Variants in RAN observed in about 807,000 individuals in gnomAD.
RAN encodes the protein RAN, member RAS oncogene family, also known as GTP-binding nuclear protein Ran.
Under a neutral mutation model 26.8 loss-of-function variants are expected in RAN, and 2 were observed. The observed-to-expected ratio is 0.07, with a 90% CI of 0.03 to 0.23. The LOEUF (loss-of-function observed/expected upper bound fraction) is 0.23, where lower values mean the gene tolerates loss of function less well. RAN is among the 10% of genes least tolerant of loss of function. RAN has a pLI of 1.00. For synonymous variants in RAN, 132 were observed against 95.9 expected, an observed-to-expected ratio of 1.38 and a Z score of -2.20; for missense variants, 56 against 264.8, an observed-to-expected ratio of 0.21 and a Z score of 5.47.
Position 130,876,682 on chromosome 12 carries a change from T to C in RAN, c.*756T>C, listed in dbSNP as rs937072058. 1 of 152,244 alleles carries C rather than the reference T, an allele frequency of 6.6e-6. No individual in the cohort carries two copies. The highest frequency in any genetic ancestry group is 1.9e-4 in the East Asian group (1 of 5,204). 9.4% of individuals were successfully genotyped at this position (152,244 alleles called of 1,614,324 possible). A position where few individuals can be genotyped will look rare whatever the true frequency, so the allele number is the denominator to read the frequency against. On this transcript the variant is annotated 3_prime_UTR_variant, in exon 7 of 7. Transcript: ENST00000543796. ...TTCTTTTATGGCAAAAGTAATCATGTTTTAATGTAGAACCTCAAACAGGAT... is the reference window on the plus strand; with the variant it reads ...TTCTTTTATGGCAAAAGTAATCATGCTTTAATGTAGAACCTCAAACAGGAT...
chr12:130,875,219 GTATT>G (rs1439007865), intron 5 of RAN, among the ~76,000 whole-genome samples: 2 of 152,156 alleles, frequency 1.3e-5, no homozygotes, highest in African/African-American at 4.8e-5. Flanking sequence ...AAATGTTTGT[GTATT>G]TATATATTTG....
chr12:130,873,152 C>A (rs539053769), intron 4 of RAN, 24 bp downstream of exon 4: 1 of 1,613,850 alleles, frequency 6.2e-7, no homozygotes, highest in Admixed American at 1.7e-5. Flanking sequence ...ACTTGCTGAA[C>A]GGTTTTTGAG....
Position 130,875,635 on chromosome 12 carries a change from T to C in RAN, c.459T>C (p.Ser153=), listed in dbSNP as rs747570087. Residue 153 remains serine (S), a synonymous_variant, in exon 6 of 7, where the codon AGT becomes AGC. Coordinates refer to ENST00000543796, the MANE Select transcript of RAN (RefSeq NM_006325.5). ...AGTACTACGACATTTCTGCCAAAAG[T>C]AACTACAACTTTGAAAAGCCCTTCC... The part of the protein sequence containing the change: ...NLQYYDISAK[S]NYNFEKPFLW... 2 of 1,606,288 alleles carry C rather than the reference T, an allele frequency of 1.2e-6. No individual in the cohort carries two copies. The highest frequency in any genetic ancestry group is 1.7e-6 in the Non-Finnish European group (2 of 1,177,828).
Position 130,875,788 on chromosome 12 carries a change from G to T in RAN, c.606+6G>T. 1 of 1,614,138 alleles carries T rather than the reference G, an allele frequency of 6.2e-7. No homozygotes were observed. Among genetic ancestry groups the T allele is most frequent in the Non-Finnish European group, 8.5e-7 (1 of 1,180,004 alleles). On this transcript the variant is annotated splice_donor_region_variant and intron_variant, in intron 6 of 6. Coordinates refer to ENST00000543796, the MANE Select transcript of RAN (RefSeq NM_006325.5). ...AGTATGAGCACGACTTAGAGGTATT[G>T]TGGCCACTTTGCTGTTCAGATTGTT...
At position 130,877,597 on chromosome 12, in the gene RAN, T is replaced by G. The variant is rs987263309; in HGVS notation, c.*1671T>G. ...TTGGAAGTGACGTCACTTACCTGTC[T>G]AACGTGGTGTGGGAGAGAATTTACA... On this transcript the variant is annotated 3_prime_UTR_variant, in exon 7 of 7. Coordinates refer to ENST00000543796, the MANE Select transcript of RAN (RefSeq NM_006325.5). 1 of 152,232 alleles carries G rather than the reference T, an allele frequency of 6.6e-6. No homozygotes were observed. Among genetic ancestry groups the G allele is most frequent in the African/African-American group, 2.4e-5 (1 of 41,452 alleles). 9.4% of individuals were successfully genotyped at this position (152,232 alleles called of 1,614,324 possible).
At position 130,876,199 on chromosome 12, in the gene RAN, T is replaced by G. The variant is rs1593221730; in HGVS notation, c.*273T>G. The G allele has an allele frequency of 2.2e-6, 1 of 457,162 alleles. No individual in the cohort carries two copies. Among genetic ancestry groups the G allele is most frequent in the South Asian group, 3.2e-5 (1 of 31,052 alleles). The allele number at this position is 457,162 out of a possible 1,614,324, so 28.3% of individuals were successfully genotyped here. A position where few individuals can be genotyped will look rare whatever the true frequency, so the allele number is the denominator to read the frequency against. On this transcript the variant is annotated 3_prime_UTR_variant, in exon 7 of 7. Coordinates refer to ENST00000543796, the MANE Select transcript of RAN (RefSeq NM_006325.5). ...GACTGCTGCAGTCACATCACAATAT[T>G]CAGTGGTGAAATCTTGTTTGTTACT... is the stretch of plus-strand genomic sequence containing the variant.
In RAN at chr12:130,875,601, C is replaced by T. The variant is rs764632220; in HGVS notation, c.436-11C>T. The T allele has an allele frequency of 1.0e-5, 16 of 1,559,214 alleles. No individual in the cohort carries two copies. Among genetic ancestry groups the T allele is most frequent in the Admixed American group, 2.1e-5 (1 of 47,794 alleles). ...AATTTTAAAAAGTAATTTTACCTTT[C>T]TTTTAAACAGTACTACGACATTTCT... On this transcript the variant is annotated splice_polypyrimidine_tract_variant and intron_variant, in intron 5 of 6. Transcript: ENST00000543796.
At chr12:130,875,214 T>C (rs1953216711) in intron 5 of RAN, among the ~76,000 whole-genome samples, 1 of 152,114 alleles carries the variant, frequency 6.6e-6, no homozygotes, top group Admixed American at 6.6e-5. Context: ...AGCTGAAATG[T>C]TTGTGTATTT....
chr12:130,873,377 C>T, intron 4 of RAN: 1 of 428,006 alleles, frequency 2.3e-6, no homozygotes, highest in East Asian at 4.8e-5. Context: ...ACTTATAAGT[C>T]ATATTTAAAA....
intron 4 of RAN, chr12:130,873,846 T>G (rs545426234): frequency 1.8e-4 from 31 of 169,258 alleles, no homozygotes; most frequent in Non-Finnish European, 2.7e-4. Context: ...TGCAGGTGAA[T>G]ATATAGGCTT....
At chr12:130,874,316 A>G in intron 4 of RAN, 2 of 465,326 alleles carry the variant, frequency 4.3e-6, no homozygotes, top group Non-Finnish European at 7.5e-6. Flanking sequence ...TGAGGGGAGT[A>G]TTAATGGTGA....
At position 130,876,604 on chromosome 12, in the gene RAN, C is replaced by T. The variant is rs1198674958; in HGVS notation, c.*678C>T. The T allele has an allele frequency of 6.6e-6, 1 of 152,172 alleles. No individual in the cohort carries two copies. The highest frequency in any genetic ancestry group is 1.5e-5 in the Non-Finnish European group (1 of 68,156). The allele number at this position is 152,172 out of a possible 1,614,324, so 9.4% of individuals were successfully genotyped here. A position where few individuals can be genotyped will look rare whatever the true frequency, so the allele number is the denominator to read the frequency against. ...CACTTGCTCAAAATCTGTGACCTGT[C>T]AGAATAAAAATGTGGTTTGTACATA... On this transcript the variant is annotated 3_prime_UTR_variant, in exon 7 of 7. Transcript: ENST00000543796.
intron 4 of RAN, 138 bp from the exon 5 acceptor site, chr12:130,874,408 C>A: frequency 1.6e-6 from 1 of 616,522 alleles, no homozygotes; most frequent in Non-Finnish European, 2.8e-6. Context: ...TTGACAGAGA[C>A]CTTGAAAGTG....
At position 130,877,403 on chromosome 12, in the gene RAN, A is replaced by G. The variant is rs943272456; in HGVS notation, c.*1477A>G. 6.6e-6 allele frequency: 1 copy of G among 152,250 alleles called. No individual in the cohort carries two copies. The highest frequency in any genetic ancestry group is 1.5e-5 in the Non-Finnish European group (1 of 68,046). 9.4% of individuals were successfully genotyped at this position (152,250 alleles called of 1,614,324 possible). A position where few individuals can be genotyped will look rare whatever the true frequency, so the allele number is the denominator to read the frequency against. ...TGAATTGCTGTGTATGTTACGCTGT[A>G]TTCAGAACCAGTTTCTAACCAGCCT... On this transcript the variant is annotated 3_prime_UTR_variant, in exon 7 of 7. Coordinates refer to ENST00000543796, the MANE Select transcript of RAN (RefSeq NM_006325.5).
At position 130,875,863 on chromosome 12, in the gene RAN, T is replaced by G; in HGVS notation, c.607-19T>G. ...AGTTTTGATCTGGAGTGTTAACGTT[T>G]TTCCATCTCTTCGTCTAGGTTGCTC... On this transcript the variant is annotated intron_variant, in intron 6 of 6. Transcript: ENST00000543796. The G allele has an allele frequency of 6.2e-7, 1 of 1,614,202 alleles. No individual in the cohort carries two copies. The highest frequency in any genetic ancestry group is 1.3e-5 in the African/African-American group (1 of 75,068).
rs1401967811 is a variant in RAN at position 130,877,650 on chromosome 12, C to G, written c.*1724C>G. 6.6e-6 allele frequency: 1 copy of G among 152,144 alleles called. No homozygotes were observed. Among genetic ancestry groups the G allele is most frequent in the African/African-American group, 2.4e-5 (1 of 41,422 alleles). 9.4% of individuals were successfully genotyped at this position (152,144 alleles called of 1,614,324 possible). On this transcript the variant is annotated 3_prime_UTR_variant, in exon 7 of 7. Transcript: ENST00000543796. The stretch of plus-strand genomic sequence containing the variant: ...TCCTTTATTGAAAGAATAATTGTTG[C>G]AAAATATATTGCTTCTACTTTGCCT...
Position 130,872,815 on chromosome 12 carries a change from C to G in RAN, c.37-21C>G, listed in dbSNP as rs375687929. The G allele has an allele frequency of 5.6e-6, 9 of 1,613,614 alleles. No homozygotes were observed. In the East Asian group the frequency reaches 1.1e-4, roughly 20 times the overall value. ...GAGGTGAAGTGTTTAGGGTTTACTT[C>G]CAAAATGTGTTTTTCAACAGCTTGT... On this transcript the variant is annotated intron_variant, in intron 2 of 6. Coordinates refer to ENST00000543796, the MANE Select transcript of RAN (RefSeq NM_006325.5).
intron 4 of RAN, 181 bp downstream of exon 4, chr12:130,873,309 C>G: frequency 1.4e-6 from 1 of 709,392 alleles, no homozygotes; most frequent in Non-Finnish European, 2.3e-6. Context: ...AAAGTTGTGT[C>G]ATTTGCATGC....
chr12:130,874,032 A>G (rs190914614), intron 4 of RAN: 73 of 388,770 alleles, frequency 1.9e-4, no homozygotes, highest in African/African-American at 1.4e-3. Context: ...ATTTTTTTGT[A>G]GAGATGGGGA....
Sources: allele counts gnomAD v4.1 joint callset (sites outside exome capture counted in the v4.1 genomes callset), GRCh38; gene constraint gnomAD v4.1.1; transcripts MANE v1.5; gene names NCBI Gene and HGNC (gene_info 2026-07-23, HGNC 2026-07-21).